The following TJP3 variants were observed in gnomAD, a reference collection of about 807,000 sequenced individuals.
The protein encoded by TJP3 is tight junction protein ZO-3.
Under a neutral mutation model 104.2 loss-of-function variants are expected in TJP3, and 85 were observed. The observed-to-expected ratio is 0.82, with a 90% confidence interval of 0.68 to 0.98. TJP3 has a LOEUF of 0.98. Among genes scored for constraint, TJP3 ranks in the 50% least tolerant of loss-of-function variants. The pLI is 0.00. For synonymous variants in TJP3, 550 were observed against 550.6 expected, an observed-to-expected ratio of 1.00 and a Z score of 0.02; for missense variants, 1,367 against 1,322.8, an observed-to-expected ratio of 1.03 and a Z score of -0.52.
At chr19:3,714,017 G>A (rs922673076) in intron 1 of TJP3, among the ~76,000 whole-genome samples, 3 of 149,734 alleles carry the variant, frequency 2.0e-5, no homozygotes, top group African/African-American at 4.9e-5. Context: ...GAACCACCAC[G>A]CCCGGCCTAT....
rs376657260 is a variant in TJP3 at position 3,746,637 on chromosome 19, C to T, written c.2163C>T (p.Thr721=). The change falls in exon 17 of 21, where the codon ACC becomes ACT. Residue 721 remains threonine, a synonymous_variant. Transcript: ENST00000541714. The surrounding 1 kb of genome is among the most constrained non-coding windows in gnomAD (Gnocchi z 4.1). ...TGGCGCCTGCCTCCCGCCGCAGCAC[C>T]CGTCGCCTCTACGCACAAGCCCAGA... ...QWLAPASRRS[T]RRLYAQAQKL... The T allele has an allele frequency of 8.7e-6, 14 of 1,613,284 alleles. No homozygotes were observed. The highest frequency in any genetic ancestry group is 1.2e-5 in the Non-Finnish European group (14 of 1,179,826).
rs1278819848 is a variant in TJP3 at position 3,738,625 on chromosome 19, G to A, written c.1355G>A (p.Gly452Asp). The change falls in exon 12 of 21, where the codon GGC (glycine) becomes GAC (aspartate). Residue 452 changes from glycine (G) to aspartate (D), a missense_variant. Physicochemically the swap from Gly to Asp is moderately conservative, Grantham distance 94. Transcript: ENST00000541714. ...AVQFLLGLPP[G>D]EEMELVTQRK... ...CAGTTCCTGCTGGGGCTGCCACCAG[G>A]CGAGGAGATGGAGCTGGTGACGCAG... 7 of 1,613,816 alleles carry A rather than the reference G, an allele frequency of 4.3e-6. No individual in the cohort carries two copies. In the Admixed American group the frequency reaches 1.2e-4, roughly 27 times the overall value.
chr19:3,721,954 A>C, intron 1 of TJP3: 2 of 371,036 alleles, frequency 5.4e-6, no homozygotes, highest in Non-Finnish European at 8.4e-6. Flanking sequence ...GCTCGGGCTG[A>C]GGTGGGGTGG....
Position 3,730,085 on chromosome 19 carries a change from G to A in TJP3, c.216G>A (p.Ala72=), listed in dbSNP as rs746317402. The change falls in exon 4 of 21, where the codon GCG becomes GCA. Residue 72 remains alanine, a synonymous_variant. Coordinates refer to ENST00000541714, the MANE Select transcript of TJP3 (RefSeq NM_001267560.2). This position sits in a 1 kb window ranked among gnomAD's most constrained non-coding sequence, Gnocchi z 7.3. Reference sequence around the variant, plus strand: ...TTTCCATGGAGAATGCCACCTCCGCGTTTGCCATTCAGATACTCAAGACCT... The same window carrying A: ...TTTCCATGGAGAATGCCACCTCCGCATTTGCCATTCAGATACTCAAGACCT... ...NGVSMENATS[A]FAIQILKTCT... is the part of the protein sequence containing the mutation. 14 of 1,614,006 alleles carry A rather than the reference G, an allele frequency of 8.7e-6. No homozygotes were observed. In the South Asian group the frequency reaches 8.8e-5, roughly 10 times the overall value.
At chr19:3,710,519 G>A (rs2036424200) in intron 1 of TJP3, among the ~76,000 whole-genome samples, 1 of 152,216 alleles carries the variant, frequency 6.6e-6, no homozygotes, top group Non-Finnish European at 1.5e-5. Context: ...GTGCTTCCTC[G>A]TGGCCCTGAG....
rs1446107795 is a variant in TJP3, at chr19:3,735,948, G to A, written c.1127+13G>A. On this transcript the variant is annotated intron_variant, in intron 10 of 20. Transcript: ENST00000541714. ...TGGAGGATCGTGGGTATGTACCCCAGAAGAAAGCAAACCCGCTCAAAACTC... is the reference window on the plus strand; with the variant it reads ...TGGAGGATCGTGGGTATGTACCCCAAAAGAAAGCAAACCCGCTCAAAACTC... 8.7e-6 allele frequency: 14 copies of A among 1,613,924 alleles called. No individual in the cohort carries two copies. In the East Asian group the frequency reaches 3.1e-4, roughly 36 times the overall value.
chr19:3,712,995 C>T (rs575123541), intron 1 of TJP3, among the ~76,000 whole-genome samples: 2 of 151,924 alleles, frequency 1.3e-5, no homozygotes, highest in African/African-American at 4.8e-5. Flanking sequence ...GTTGAACACC[C>T]TGAGCTGCAT....
intron 1 of TJP3, among the ~76,000 whole-genome samples, chr19:3,726,744 T>A (rs1237598680): frequency 5.3e-5 from 8 of 152,036 alleles, no homozygotes; most frequent in African/African-American, 1.9e-4. Flanking sequence ...GCACCTATAG[T>A]CCCAGTTACT....
In TJP3 at chr19:3,740,606, CGGCTCCTCCGCG is replaced by C. The variant is rs2145696688; in HGVS notation, c.1693_1704del (p.Ser565_Ser568del). 6.4e-7 allele frequency: 1 copy of C among 1,561,328 alleles called. No homozygotes were observed. Among genetic ancestry groups the C allele is most frequent in the Admixed American group, 1.9e-5 (1 of 52,058 alleles). On this transcript the variant is annotated inframe_deletion, in exon 14 of 21. Transcript: ENST00000541714. ...CCCAGAGGGCCGTGGGAGTCGGGCC[CGGCTCCTCCGCG>C]GGCTCCAATGCTCGGGCCGAGTTCT... is the stretch of plus-strand genomic sequence containing the variant.
rs1362512736 is a variant in TJP3 at position 3,744,000 on chromosome 19, G to T, written c.1905G>T (p.Leu635Phe). The change falls in exon 15 of 21, where the codon TTG becomes TTT. Residue 635 changes from leucine to phenylalanine, a missense_variant. By Grantham distance (22) the Leu-to-Phe change is conservative (BLOSUM62 0). Coordinates refer to ENST00000541714, the MANE Select transcript of TJP3 (RefSeq NM_001267560.2). ...GPVADIAMQK[L>F]TAEMPDQFEI... ...TGGCCGACATTGCTATGCAGAAGTT[G>T]ACTGCTGAGATGCCTGACCAGTTTG... 2 of 1,614,156 alleles carry T rather than the reference G, an allele frequency of 1.2e-6. No individual in the cohort carries two copies. Among genetic ancestry groups the T allele is most frequent in the Non-Finnish European group, 1.7e-6 (2 of 1,180,038 alleles).
chr19:3,743,530 T>C (rs1243362851), intron 14 of TJP3: 10 of 167,764 alleles, frequency 6.0e-5, no homozygotes, highest in African/African-American at 1.7e-4. Flanking sequence ...AAAGAAATGG[T>C]TGTGACTGTG....
At chr19:3,721,945 C>A in intron 1 of TJP3, 2 of 1,106,548 alleles carry the variant, frequency 1.8e-6, no homozygotes, top group South Asian at 4.6e-5. Flanking sequence ...GGGGGAGGGG[C>A]TCGGGCTGAG....
chr19:3,719,727 C>T (rs1485623235), intron 1 of TJP3, among the ~76,000 whole-genome samples: 15 of 124,022 alleles, frequency 1.2e-4, no homozygotes, highest in Admixed American at 5.9e-4. Flanking sequence ...AGCGAGACTC[C>T]GTCTCAAAAA....
Position 3,715,495 on chromosome 19 carries a change from T to A in TJP3, c.-10+6934T>A, listed in dbSNP as rs1279525738. On this transcript the variant is annotated intron_variant, in intron 1 of 20. Transcript: ENST00000541714. ...AAAGCCTTGGATTTGAACCCAGGTTTGGAGGATGGTACTAGGGAGCCATCG... is the reference window on the plus strand; with the variant it reads ...AAAGCCTTGGATTTGAACCCAGGTTAGGAGGATGGTACTAGGGAGCCATCG... Among the ~76,000 whole-genome samples the A allele has an allele frequency of 2.0e-5, 3 of 152,134 alleles. No individual in the cohort carries two copies. The East Asian group carries it at 5.8e-4, about 29-fold the overall frequency.
intron 13 of TJP3, among the ~76,000 whole-genome samples, chr19:3,740,074 A>C (rs2036792596): frequency 6.6e-6 from 1 of 152,034 alleles, no homozygotes; most frequent in Admixed American, 6.6e-5. Context: ...CCTACTAAAA[A>C]TACAAAAATT....
intron 1 of TJP3, among the ~76,000 whole-genome samples, chr19:3,716,886 C>T (rs2036483303): frequency 7.1e-6 from 1 of 141,748 alleles, no homozygotes; most frequent in African/African-American, 2.5e-5. Flanking sequence ...GCACCCTCTG[C>T]CTCCCAGGTT....
intron 2 of TJP3, 52 bp downstream of exon 2, chr19:3,728,532 C>G: frequency 1.3e-6 from 2 of 1,598,896 alleles, no homozygotes; most frequent in Non-Finnish European, 1.7e-6. Flanking sequence ...CGGCTTAGGC[C>G]CAGCTCAATA....
chr19:3,747,109 G>A (rs1234345906), intron 18 of TJP3, among the ~76,000 whole-genome samples: 1 of 152,060 alleles, frequency 6.6e-6, no homozygotes, highest in African/African-American at 2.4e-5. Flanking sequence ...CACCCAGGCT[G>A]GAGTACAGTG....
chr19:3,744,131 A>G, intron 15 of TJP3, 97 bp downstream of exon 15: 1 of 1,140,576 alleles, frequency 8.8e-7, no homozygotes. Flanking sequence ...ATGATGGCAA[A>G]CATGAAGCAG....
Sources: gnomAD v4.1 joint callset for allele counts (sites outside exome capture counted in the v4.1 genomes callset) on GRCh38, gnomAD v4.1.1 for gene constraint, Gnocchi (gnomAD v3.1) non-coding constraint, MANE v1.5 for transcripts, NCBI Gene and HGNC (gene_info 2026-07-23, HGNC 2026-07-21) for gene names.